Variants in FNDC3B observed in about 807,000 individuals in gnomAD.
FNDC3B encodes the protein fibronectin type III domain-containing protein 3B.
Under a neutral mutation model 151.5 loss-of-function variants are expected in FNDC3B, and 12 were observed. The ratio of observed to expected loss-of-function variants is 0.08; its 90% CI spans 0.05 to 0.13. The LOEUF (loss-of-function observed/expected upper bound fraction) is 0.13. Ranked by LOEUF, FNDC3B falls within the 10% of genes least tolerant of loss-of-function variation. The pLI, the probability that FNDC3B is intolerant of heterozygous loss-of-function variation, is 1.00. For missense variants in FNDC3B, 1,214 were observed against 1,505.3 expected (o/e 0.81, Z 3.20); for synonymous variants, 528 against 549.0 (o/e 0.96, Z 0.54).
At chr3:172,110,698 A>G (rs957625948) in intron 1 of FNDC3B, among the ~76,000 whole-genome samples, 2 of 151,984 alleles carry the variant, frequency 1.3e-5, no homozygotes, top group African/African-American at 4.8e-5. Context: ...CCACAGCCTC[A>G]ATAGCAAGTG....
intron 14 of FNDC3B, among the ~76,000 whole-genome samples, chr3:172,334,722 G>T (rs1315248825): frequency 6.6e-6 from 1 of 152,190 alleles, no homozygotes; most frequent in Non-Finnish European, 1.5e-5. Flanking sequence ...GATTACAGGC[G>T]TGAGCCACTG....
At chr3:172,114,952 G>A (rs1720170985) in intron 2 of FNDC3B, among the ~76,000 whole-genome samples, 1 of 152,126 alleles carries the variant, frequency 6.6e-6, no homozygotes, top group African/African-American at 2.4e-5. Flanking sequence ...AACATCCTTG[G>A]TTCCAAGCTA....
chr3:172,190,082 C>A (rs1560009747), intron 3 of FNDC3B, among the ~76,000 whole-genome samples: 1 of 152,272 alleles, frequency 6.6e-6, no homozygotes, highest in East Asian at 1.9e-4. Flanking sequence ...GCTTTCAGAT[C>A]CTCCACTCTA....
chr3:172,235,104 T>A (rs886735566), intron 4 of FNDC3B, among the ~76,000 whole-genome samples: 4 of 152,100 alleles, frequency 2.6e-5, no homozygotes, highest in Non-Finnish European at 4.4e-5. Context: ...ACTGGTCAAA[T>A]TTTTTTAAAA....
chr3:172,370,787 T>G (rs1385165313), intron 23 of FNDC3B, among the ~76,000 whole-genome samples: 1 of 152,226 alleles, frequency 6.6e-6, no homozygotes, highest in African/African-American at 2.4e-5. Flanking sequence ...CATTTTTAAA[T>G]ATCTTTATTT....
At chr3:172,236,656 A>G (rs541530748) in intron 4 of FNDC3B, among the ~76,000 whole-genome samples, 1 of 152,230 alleles carries the variant, frequency 6.6e-6, no homozygotes, top group East Asian at 1.9e-4. Flanking sequence ...CCCTCTAACC[A>G]GGGAGGGGTT....
intron 1 of FNDC3B, among the ~76,000 whole-genome samples, chr3:172,042,155 G>T (rs1716117962): frequency 6.6e-6 from 1 of 152,202 alleles, no homozygotes; most frequent in African/African-American, 2.4e-5. Flanking sequence ...GAAATAGGAG[G>T]TTGTAGCTTC....
At chr3:172,304,388 G>A (rs1475239849) in intron 9 of FNDC3B, among the ~76,000 whole-genome samples, 1 of 152,214 alleles carries the variant, frequency 6.6e-6, no homozygotes, top group Non-Finnish European at 1.5e-5. Flanking sequence ...TGCATTTGTA[G>A]GCAAATGCCC....
At chr3:172,076,801 G>A (rs1718033629) in intron 1 of FNDC3B, among the ~76,000 whole-genome samples, 1 of 152,104 alleles carries the variant, frequency 6.6e-6, no homozygotes, top group South Asian at 2.1e-4. Context: ...AACTCTTTGG[G>A]AACATAAAGT....
intron 18 of FNDC3B, among the ~76,000 whole-genome samples, chr3:172,343,801 G>A (rs1468464768): frequency 1.3e-5 from 2 of 152,066 alleles, no homozygotes; most frequent in Non-Finnish European, 2.9e-5. Flanking sequence ...CATTTACCTA[G>A]CATTAGAATA....
At chr3:172,357,604 C>T (rs2108333323) in intron 22 of FNDC3B, among the ~76,000 whole-genome samples, 1 of 152,262 alleles carries the variant, frequency 6.6e-6, no homozygotes, top group South Asian at 2.1e-4. Flanking sequence ...CTGTGTTTTT[C>T]ACCCTAAACC....
chr3:172,296,884 C>T (rs370332968), intron 8 of FNDC3B, among the ~76,000 whole-genome samples: 1 of 151,896 alleles, frequency 6.6e-6, no homozygotes, highest in African/African-American at 2.4e-5. Context: ...TATGTGTATA[C>T]GCTCTGTGGG....
intron 4 of FNDC3B, among the ~76,000 whole-genome samples, chr3:172,234,970 T>C (rs2108752747): frequency 6.6e-6 from 1 of 152,320 alleles, no homozygotes; most frequent in South Asian, 2.1e-4. Context: ...AGGTGTTACC[T>C]GAATATCTTC....
chr3:172,240,161 G>A (rs901931932), intron 4 of FNDC3B, among the ~76,000 whole-genome samples: 25 of 152,064 alleles, frequency 1.6e-4, no homozygotes, highest in Admixed American at 1.5e-3. Context: ...GTGAGCCACC[G>A]CGCTCAGCCC....
At chr3:172,350,340 GT>G (rs1170525907) in intron 21 of FNDC3B, among the ~76,000 whole-genome samples, 1 of 152,102 alleles carries the variant, frequency 6.6e-6, no homozygotes, top group Non-Finnish European at 1.5e-5. Context: ...TGGAATCAAG[GT>G]TTGAACTAAG....
At chr3:172,077,795 ATAG>A in intron 1 of FNDC3B, among the ~76,000 whole-genome samples, 1 of 152,306 alleles carries the variant, frequency 6.6e-6, no homozygotes, top group South Asian at 2.1e-4. Context: ...ATGGACTGGA[ATAG>A]TATTTGGCAT....
Position 172,251,418 on chromosome 3 carries a change from A to G in FNDC3B, c.667A>G (p.Asn223Asp), listed in dbSNP as rs781202861. The G allele has an allele frequency of 5.0e-6, 8 of 1,613,924 alleles. No individual in the cohort carries two copies. Among genetic ancestry groups the G allele is most frequent in the Non-Finnish European group, 6.8e-6 (8 of 1,180,000 alleles). Residue 223 changes from asparagine to aspartate, a missense_variant, in exon 6 of 26, where the codon AAT (asparagine) becomes GAT (aspartate). Asn to Asp is a conservative substitution (Grantham distance 23). This residue lies in a region of FNDC3B where 166 missense variants were observed against 173.2 expected (regional missense o/e 0.96). Transcript: ENST00000415807. ...CAAAAGCAGCTGCACAACAGTATAC[A>G]ATGGCTATGGGAAGGGCCATAGTGG... ...IYKSSCTTVYNGYGKGHSGGS... is the reference protein window; with the variant it reads ...IYKSSCTTVYDGYGKGHSGGS...
intron 4 of FNDC3B, among the ~76,000 whole-genome samples, chr3:172,245,946 A>G (rs1324948929): frequency 6.6e-6 from 1 of 152,190 alleles, no homozygotes; most frequent in East Asian, 1.9e-4. Context: ...TAACATAAGG[A>G]TTAATGGCCG....
At chr3:172,373,181 G>A (rs1404237238) in intron 23 of FNDC3B, among the ~76,000 whole-genome samples, 1 of 152,238 alleles carries the variant, frequency 6.6e-6, no homozygotes, top group Non-Finnish European at 1.5e-5. Context: ...TGAGGGCTTA[G>A]TGAGAGTTTT....
Sources: allele counts gnomAD v4.1 joint callset (sites outside exome capture counted in the v4.1 genomes callset), GRCh38; gene constraint gnomAD v4.1.1; regional missense constraint gnomAD v4.1.1; transcripts MANE v1.5; gene names NCBI Gene and HGNC (gene_info 2026-07-23, HGNC 2026-07-21).